PPP2R2D: variants seen among roughly 807,000 people sequenced by gnomAD.
PPP2R2D encodes the protein protein phosphatase 2 regulatory subunit Bdelta, also known as serine/threonine-protein phosphatase 2A 55 kDa regulatory subunit B delta isoform.
A neutral mutation model predicts 31.1 loss-of-function variants in PPP2R2D; 9 were observed. The ratio of observed to expected loss-of-function variants is 0.29; its 90% CI spans 0.17 to 0.51. PPP2R2D has a LOEUF of 0.51. Ranked by LOEUF, PPP2R2D falls within the 20% of genes least tolerant of loss-of-function variation. PPP2R2D has a pLI of 0.98. For synonymous variants in PPP2R2D, 179 were observed against 172.6 expected, an observed-to-expected ratio of 1.04 and a Z score of -0.29; for missense variants, 391 against 465.6, an observed-to-expected ratio of 0.84 and a Z score of 1.48.
chr10:131,921,589 A>G (rs1589935215), intron 2 of PPP2R2D, among the ~76,000 whole-genome samples: 1 of 152,334 alleles, frequency 6.6e-6, no homozygotes, highest in East Asian at 1.9e-4. Flanking sequence ...AAAGGGAGTA[A>G]GATGAGCATT....
chr10:131,904,942 G>A lies in PPP2R2D; in HGVS notation c.100+3612G>A, dbSNP rs1004593066. Among the ~76,000 whole-genome samples the A allele has an allele frequency of 1.6e-4, 25 of 151,888 alleles. No individual in the cohort carries two copies. In the South Asian group the frequency reaches 5.0e-3, roughly 30 times the overall value. ...GCTGGGGAATCAGAATCAACCTATG[G>A]TGAAAGTGCTGGCCTATGTAAAATT... On this transcript the variant is annotated intron_variant, in intron 2 of 8. Coordinates refer to ENST00000455566, the MANE Select transcript of PPP2R2D (RefSeq NM_018461.5).
the PPP2R2D span, chr10:131,970,586 A>G: frequency 3.1e-6 from 5 of 1,593,134 alleles, no homozygotes; most frequent in African/African-American, 1.3e-5. This position sits in a 1 kb window ranked among gnomAD's most constrained non-coding sequence, Gnocchi z 4.1. Flanking sequence ...ACTGCAACCC[A>G]GAATCGCCCC....
chr10:131,953,222 G>T (rs1428810065), intron 8 of PPP2R2D, among the ~76,000 whole-genome samples: 1 of 84,112 alleles, frequency 1.2e-5, no homozygotes. Flanking sequence ...TTGTGTGTGG[G>T]GGGGTTCACT....
In PPP2R2D at chr10:131,919,468, C is replaced by T. The variant is rs782759279; in HGVS notation, c.101-14990C>T. On this transcript the variant is annotated intron_variant, in intron 2 of 8. Transcript: ENST00000455566. ...GGAATGACACAGTGTAGGGATCTCG[C>T]GTGGGTGGAATGACACAGTGTTTGT... 5.0e-4 allele frequency among the ~76,000 whole-genome samples: 64 copies of T among 126,986 alleles called. 11 individuals carry two copies. The highest frequency in any genetic ancestry group is 8.8e-4 in the Non-Finnish European group (53 of 60,120). 83.3% of individuals were successfully genotyped at this position (126,986 alleles called of 152,430 possible).
At chr10:131,917,036 GAC>G (rs1210367099) in intron 2 of PPP2R2D, among the ~76,000 whole-genome samples, 4 of 146,078 alleles carry the variant, frequency 2.7e-5, no homozygotes, top group Admixed American at 2.7e-4. Flanking sequence ...TGGGTGGAAT[GAC>G]ACAGTGTAGG....
chr10:131,908,249 T>G (rs1450404700), intron 2 of PPP2R2D, among the ~76,000 whole-genome samples: 2 of 152,222 alleles, frequency 1.3e-5, no homozygotes, highest in African/African-American at 4.8e-5. Context: ...ATTCAGTGAT[T>G]ATTCCCATCC....
At position 131,955,781 on chromosome 10, in the gene PPP2R2D, C is replaced by T. The variant is rs528975381; in HGVS notation, c.1180C>T (p.Pro394Ser). The change falls in exon 9 of 9, where the codon CCG becomes TCG. Residue 394 changes from proline to serine, a missense_variant. Transcript: ENST00000455566. ...TLEASRESSK[P>S]RASLKPRKVC... is the part of the protein sequence containing the mutation. ...GGAGGCCTCGAGAGAGAGCAGCAAA[C>T]CGCGCGCCAGCCTCAAACCCCGGAA... The T allele has an allele frequency of 2.4e-5, 38 of 1,591,686 alleles. No homozygotes were observed. Among genetic ancestry groups the T allele is most frequent in the Admixed American group, 2.1e-4 (12 of 58,482 alleles).
chr10:131,951,162 G>A (rs1442421377), intron 8 of PPP2R2D, among the ~76,000 whole-genome samples: 3 of 152,192 alleles, frequency 2.0e-5, no homozygotes, highest in Non-Finnish European at 4.4e-5. Context: ...ATGCCCATCA[G>A]AATGATGATG....
chr10:131,963,574 C>A (rs1034761741), downstream of PPP2R2D, among the ~76,000 whole-genome samples: 1 of 152,206 alleles, frequency 6.6e-6, no homozygotes, highest in Non-Finnish European at 1.5e-5. Context: ...CCACACCGTC[C>A]GTGGAGCCTC....
chr10:131,957,908 C>T lies in PPP2R2D; in HGVS notation c.*1945C>T, dbSNP rs1174309689. On this transcript the variant is annotated 3_prime_UTR_variant, in exon 9 of 9. Coordinates refer to ENST00000455566, the MANE Select transcript of PPP2R2D (RefSeq NM_018461.5). ...TGTGGAGATGGTGTGTGCTGATCCC[C>T]GTCCCCCTGTGGAGATGAAGGTGTG... 4.1e-5 allele frequency: 6 copies of T among 146,960 alleles called. No homozygotes were observed. In the South Asian group the frequency reaches 5.3e-4, roughly 13 times the overall value. 9.1% of individuals were successfully genotyped at this position (146,960 alleles called of 1,614,324 possible). A position where few individuals can be genotyped will look rare whatever the true frequency, so the allele number is the denominator to read the frequency against.
chr10:131,920,207 T>C (rs1388035238), intron 2 of PPP2R2D, among the ~76,000 whole-genome samples: 1 of 147,538 alleles, frequency 6.8e-6, no homozygotes, highest in Non-Finnish European at 1.5e-5. Flanking sequence ...AATGACACAG[T>C]ATAGGGACCT....
chr10:131,914,988 G>C (rs1217896314), intron 2 of PPP2R2D, among the ~76,000 whole-genome samples: 1 of 152,034 alleles, frequency 6.6e-6, no homozygotes, highest in African/African-American at 2.4e-5. Flanking sequence ...CCCTAATAGT[G>C]ACTCAGCACT....
At chr10:131,910,706 G>A (rs961686158) in intron 2 of PPP2R2D, among the ~76,000 whole-genome samples, 12 of 152,302 alleles carry the variant, frequency 7.9e-5, no homozygotes, top group Admixed American at 2.6e-4. Context: ...TGATGTCTTC[G>A]TAATGCGTTG....
intron 2 of PPP2R2D, among the ~76,000 whole-genome samples, chr10:131,904,221 G>A (rs1447790134): frequency 7.9e-6 from 1 of 126,504 alleles, no homozygotes; most frequent in East Asian, 2.7e-4. Context: ...AAAAAAAAAG[G>A]AGAGAGATGG....
intron 3 of PPP2R2D, 99 bp from the exon 4 acceptor site, chr10:131,939,932 A>T: frequency 2.3e-6 from 1 of 426,158 alleles, no homozygotes; most frequent in Non-Finnish European, 4.3e-6. Flanking sequence ...TTTTAGCTTT[A>T]AAAAATATGT....
In PPP2R2D at chr10:131,924,098, C is replaced by T. The variant is rs1245922047; in HGVS notation, c.101-10360C>T. On this transcript the variant is annotated intron_variant, in intron 2 of 8. Transcript: ENST00000455566. ...TCAGATACATAATTTGCAAACAATT[C>T]CTCCCATTCCATGAGTTGTGTTTTC... 3.9e-5 allele frequency among the ~76,000 whole-genome samples: 6 copies of T among 152,282 alleles called. No homozygotes were observed. The East Asian group carries it at 5.8e-4, about 15-fold the overall frequency.
rs556965389 is a variant in PPP2R2D at position 131,923,802 on chromosome 10, A to G, written c.101-10656A>G. Among the ~76,000 whole-genome samples, 5 of 152,158 alleles carry G rather than the reference A, an allele frequency of 3.3e-5. No individual in the cohort carries two copies. In the South Asian group the frequency reaches 8.3e-4, roughly 25 times the overall value. On this transcript the variant is annotated intron_variant, in intron 2 of 8. Transcript: ENST00000455566. ...TTTAGAGACAGGGTCTTGCTCTGTC[A>G]CCCAGGCTAGAGTGCAGTGGTGCTG...
intron 8 of PPP2R2D, among the ~76,000 whole-genome samples, chr10:131,953,929 C>T (rs1307472459): frequency 6.6e-6 from 1 of 152,192 alleles, no homozygotes; most frequent in Non-Finnish European, 1.5e-5. Flanking sequence ...TTGCTTAGTC[C>T]ATTCACTCTC....
At chr10:131,955,122 A>G (rs1191383970) in intron 8 of PPP2R2D, among the ~76,000 whole-genome samples, 1 of 152,208 alleles carries the variant, frequency 6.6e-6, no homozygotes, top group Non-Finnish European at 1.5e-5. Flanking sequence ...AAAAGCATGG[A>G]CGGTATTGTA....
Sources: allele counts gnomAD v4.1 joint callset (sites outside exome capture counted in the v4.1 genomes callset), GRCh38; gene constraint gnomAD v4.1.1; non-coding constraint Gnocchi (gnomAD v3.1); transcripts MANE v1.5; gene names NCBI Gene and HGNC (gene_info 2026-07-23, HGNC 2026-07-21).